The following ANO2 variants were observed in gnomAD, a reference collection of about 807,000 sequenced individuals.
The protein encoded by ANO2 is anoctamin 2.
In ANO2, 101 loss-of-function variants were observed where a neutral mutation model predicts 124.2. The observed-to-expected ratio is 0.81, with a 90% confidence interval of 0.69 to 0.96. The LOEUF is 0.96. Among genes scored for constraint, ANO2 ranks in the 40% least tolerant of loss-of-function variants. The pLI is 0.00. For synonymous variants in ANO2, 486 were observed against 482.5 expected, an observed-to-expected ratio of 1.01 and a Z score of -0.09; for missense variants, 1,293 against 1,274.5, an observed-to-expected ratio of 1.01 and a Z score of -0.22.
chr12:5,732,216 G>A (rs1463997860), intron 14 of ANO2, among the ~76,000 whole-genome samples: 3 of 152,118 alleles, frequency 2.0e-5, no homozygotes, highest in African/African-American at 7.2e-5. Flanking sequence ...GGTATTGAAT[G>A]TTATTATTAT....
At chr12:5,851,755 G>T (rs1193370594) in intron 4 of ANO2, among the ~76,000 whole-genome samples, 1 of 151,936 alleles carries the variant, frequency 6.6e-6, no homozygotes, top group Non-Finnish European at 1.5e-5. Flanking sequence ...GAGGCTAAGA[G>T]GAGGCATCAG....
In ANO2 at chr12:5,635,026, CTAAT is replaced by C. The variant is rs1322270988; in HGVS notation, c.1816+122_1816+125del. The C allele has an allele frequency of 1.2e-6, 1 of 835,428 alleles. No individual in the cohort carries two copies. The highest frequency in any genetic ancestry group is 1.7e-6 in the Non-Finnish European group (1 of 580,992). The allele number at this position is 835,428 out of a possible 1,614,324, so 51.8% of individuals were successfully genotyped here. On this transcript the variant is annotated intron_variant, in intron 16 of 24. Transcript: ENST00000682330. This position sits in a 1 kb window ranked among gnomAD's most constrained non-coding sequence, Gnocchi z 5.2. ...ACACACGTTGCACTTCCCCATTTCT[CTAAT>C]TAAAATGCACTGTACAAAGCATCCT...
At chr12:5,739,851 AT>A in intron 12 of ANO2, 1 of 455,982 alleles carries the variant, frequency 2.2e-6, no homozygotes, top group Non-Finnish European at 4.4e-6. Context: ...CACTTGCCTC[AT>A]TTGGGCCCTA....
At chr12:5,828,180 G>A (rs1362392926) in intron 6 of ANO2, among the ~76,000 whole-genome samples, 1 of 152,200 alleles carries the variant, frequency 6.6e-6, no homozygotes, top group East Asian at 1.9e-4. Context: ...TGGGTCTGTG[G>A]AGTAGGGCAC....
chr12:5,846,987 G>T (rs1382664709), intron 4 of ANO2, among the ~76,000 whole-genome samples: 1 of 152,170 alleles, frequency 6.6e-6, no homozygotes, highest in East Asian at 1.9e-4. Flanking sequence ...CCTTGTGATG[G>T]TTCATTTTAT....
chr12:5,851,840 G>A (rs1211371962), intron 4 of ANO2: 2 of 690,512 alleles, frequency 2.9e-6, no homozygotes, highest in Admixed American at 4.2e-5. Context: ...AGCAAAGAGG[G>A]AAAATAAGCA....
At chr12:5,894,150 G>C (rs1939608028) in intron 3 of ANO2, among the ~76,000 whole-genome samples, 1 of 152,102 alleles carries the variant, frequency 6.6e-6, no homozygotes, top group Non-Finnish European at 1.5e-5. Context: ...TCCAGCATCT[G>C]TTGTTTCCTG....
chr12:5,801,320 A>G (rs1027160619), intron 9 of ANO2, among the ~76,000 whole-genome samples: 3 of 152,216 alleles, frequency 2.0e-5, no homozygotes, highest in African/African-American at 7.2e-5. Flanking sequence ...TCATCATTAG[A>G]CCTCATCTAG....
At chr12:5,894,165 T>G (rs1345665819) in intron 3 of ANO2, among the ~76,000 whole-genome samples, 1 of 152,200 alleles carries the variant, frequency 6.6e-6, no homozygotes, top group African/African-American at 2.4e-5. Context: ...TTCCTGACTT[T>G]TTAATAATCA....
intron 3 of ANO2, among the ~76,000 whole-genome samples, chr12:5,888,890 C>G (rs1041079032): frequency 6.6e-6 from 1 of 152,224 alleles, no homozygotes; most frequent in Non-Finnish European, 1.5e-5. Context: ...CCACGCCGTG[C>G]GCCCACACTC....
intron 11 of ANO2, among the ~76,000 whole-genome samples, chr12:5,749,465 G>A (rs1951374597): frequency 6.6e-6 from 1 of 152,242 alleles, no homozygotes; most frequent in Non-Finnish European, 1.5e-5. Flanking sequence ...TCCAAATGGA[G>A]AAAATATGTA....
intron 5 of ANO2, 137 bp from the exon 6 acceptor site, chr12:5,830,626 T>C (rs1262040091): frequency 1.2e-5 from 7 of 575,906 alleles, no homozygotes; most frequent in Non-Finnish European, 2.1e-5. Context: ...ACGATGTTTA[T>C]GCCCTTCTTG....
chr12:5,883,230 G>A (rs1565747327), intron 3 of ANO2, among the ~76,000 whole-genome samples: 1 of 152,130 alleles, frequency 6.6e-6, no homozygotes, highest in Non-Finnish European at 1.5e-5. Context: ...CAAGTGCAGA[G>A]CATACACCCC....
At chr12:5,648,233 A>G (rs1473652348) in intron 14 of ANO2, among the ~76,000 whole-genome samples, 1 of 152,206 alleles carries the variant, frequency 6.6e-6, no homozygotes, top group Non-Finnish European at 1.5e-5. Context: ...GCAGTGGACA[A>G]ATGACAGATA....
chr12:5,758,181 G>T (rs969490957), intron 10 of ANO2, among the ~76,000 whole-genome samples: 1 of 152,166 alleles, frequency 6.6e-6, no homozygotes, highest in Non-Finnish European at 1.5e-5. Context: ...ATGGTACTTG[G>T]TGGAAAGGGT....
At chr12:5,786,420 T>A (rs1349712596) in intron 10 of ANO2, among the ~76,000 whole-genome samples, 2 of 152,138 alleles carry the variant, frequency 1.3e-5, no homozygotes, top group African/African-American at 4.8e-5. Context: ...GTGGCACACA[T>A]TAAAGGCCCT....
At chr12:5,657,212 A>G (rs2136967264) in intron 14 of ANO2, among the ~76,000 whole-genome samples, 1 of 152,332 alleles carries the variant, frequency 6.6e-6, no homozygotes, top group Middle Eastern at 3.4e-3. Flanking sequence ...TGGGGGGTGG[A>G]GGTGGCAGTG....
chr12:5,688,312 G>A (rs1432139138), intron 14 of ANO2, among the ~76,000 whole-genome samples: 1 of 152,166 alleles, frequency 6.6e-6, no homozygotes, highest in Non-Finnish European at 1.5e-5. Context: ...AGAACGGGAG[G>A]CAAAGGCTGG....
intron 14 of ANO2, among the ~76,000 whole-genome samples, chr12:5,699,713 C>A (rs1300610175): frequency 6.6e-6 from 1 of 152,168 alleles, no homozygotes; most frequent in Non-Finnish European, 1.5e-5. Context: ...TGCAGAGACA[C>A]ACCTAGGCTC....
Sources: gnomAD v4.1 joint callset for allele counts (sites outside exome capture counted in the v4.1 genomes callset) on GRCh38, gnomAD v4.1.1 for gene constraint, Gnocchi (gnomAD v3.1) non-coding constraint, MANE v1.5 for transcripts, NCBI Gene and HGNC (gene_info 2026-07-23, HGNC 2026-07-21) for gene names.